The following TBCK variants were observed in gnomAD, a reference collection of about 807,000 sequenced individuals.
TBCK encodes the protein TBC1 domain containing kinase.
Under a neutral mutation model 113.4 loss-of-function variants are expected in TBCK, and 99 were observed. The ratio of observed to expected loss-of-function variants is 0.87; its 90% CI spans 0.74 to 1.03. TBCK has a LOEUF of 1.03. Ranked by LOEUF, TBCK falls within the 50% of genes least tolerant of loss-of-function variation. TBCK has a pLI of 0.00. For synonymous variants in TBCK, 369 were observed against 370.8 expected (o/e 1.00, Z 0.05); for missense variants, 1,045 against 1,061.3 (o/e 0.98, Z 0.21).
At chr4:106,234,245 G>C (rs935320764) in intron 15 of TBCK, among the ~76,000 whole-genome samples, 2 of 152,116 alleles carry the variant, frequency 1.3e-5, no homozygotes, top group Admixed American at 6.6e-5. Context: ...TGGACAACCT[G>C]ATACCTGAAG....
chr4:106,312,302 T>A (rs1045782029), intron 1 of TBCK, among the ~76,000 whole-genome samples: 4 of 152,140 alleles, frequency 2.6e-5, no homozygotes, highest in Non-Finnish European at 5.9e-5. Context: ...AATACATAAA[T>A]AGGTAAAAGT....
intron 25 of TBCK, among the ~76,000 whole-genome samples, chr4:106,060,914 G>A (rs535095019): frequency 1.3e-5 from 2 of 151,832 alleles, no homozygotes; most frequent in Admixed American, 1.3e-4. Context: ...CTTCAGTGGA[G>A]GTAGAAAGTG....
intron 23 of TBCK, among the ~76,000 whole-genome samples, chr4:106,144,512 T>C (rs1747528312): frequency 6.6e-6 from 1 of 152,130 alleles, no homozygotes; most frequent in African/African-American, 2.4e-5. Flanking sequence ...TGCAAAGCCC[T>C]TCACAAGCTG....
intron 22 of TBCK, among the ~76,000 whole-genome samples, chr4:106,182,843 T>G (rs1307858242): frequency 3.3e-5 from 5 of 152,086 alleles, no homozygotes; most frequent in Non-Finnish European, 5.9e-5. Flanking sequence ...ACCTTCAAGT[T>G]GACAGCACAT....
At chr4:106,093,718 C>G (rs528432100) in intron 25 of TBCK, among the ~76,000 whole-genome samples, 3 of 152,238 alleles carry the variant, frequency 2.0e-5, no homozygotes, top group Non-Finnish European at 4.4e-5. Context: ...GAAAAAATAA[C>G]TATTGGGTAC....
At chr4:106,212,361 C>T (rs187409484) in intron 20 of TBCK, among the ~76,000 whole-genome samples, 7 of 152,158 alleles carry the variant, frequency 4.6e-5, no homozygotes, top group Admixed American at 4.6e-4. Flanking sequence ...GAAAAGAAAA[C>T]CCAAAATCTA....
At position 106,232,968 on chromosome 4, in the gene TBCK, C is replaced by T; in HGVS notation, c.1609G>A (p.Val537Met). The T allele has an allele frequency of 6.2e-7, 1 of 1,612,250 alleles. No individual in the cohort carries two copies. Among genetic ancestry groups the T allele is most frequent in the African/African-American group, 1.3e-5 (1 of 74,948 alleles). Residue 537 changes from valine to methionine, a missense_variant, in exon 17 of 26, where the codon GTG becomes ATG. Val to Met is a conservative substitution (Grantham distance 21, BLOSUM62 1). Transcript: ENST00000394708. ...KFRRVLKAWV[V>M]SHPDLVYWQG... ...CAATACACAAGATCAGGATGAGACA[C>T]TACCCAGGCTTTTAATACACGCCTA...
At chr4:106,103,401 G>A (rs1418587330) in intron 24 of TBCK, among the ~76,000 whole-genome samples, 1 of 152,166 alleles carries the variant, frequency 6.6e-6, no homozygotes, top group Non-Finnish European at 1.5e-5. Flanking sequence ...ATCAATGCAT[G>A]TCTCACTGAC....
rs1733921035 is a variant in TBCK at position 106,042,437 on chromosome 4, G to GC, written c.*4132dup. The GC allele has an allele frequency of 2.0e-5, 3 of 151,866 alleles. No individual in the cohort carries two copies. Among genetic ancestry groups the GC allele is most frequent in the Admixed American group, 2.0e-4 (3 of 15,254 alleles). The allele number at this position is 151,866 out of a possible 1,614,324, so 9.4% of individuals were successfully genotyped here. On this transcript the variant is annotated 3_prime_UTR_variant, in exon 26 of 26. Coordinates refer to ENST00000394708, the MANE Select transcript of TBCK (RefSeq NM_001163435.3). ...TGCAGTGGAGCGATCTCGGCTCACT[G>GC]CAAGCTCTGCCTCCTGGGTTCACGC...
chr4:106,277,188 G>A (rs1426477212), intron 3 of TBCK, among the ~76,000 whole-genome samples: 1 of 152,110 alleles, frequency 6.6e-6, no homozygotes, highest in Non-Finnish European at 1.5e-5. Flanking sequence ...AAGACTAAAA[G>A]CATCAACTCC....
At position 106,055,551 on chromosome 4, in the gene TBCK, T is replaced by TACAC. The variant is rs3056715; in HGVS notation, c.2572-8875_2572-8872dup. Reference sequence around the variant, plus strand: ...GTTTGGTTTGTTGAAAGTTCAATTATACACACACACACACACACACACACA... The same window carrying TACAC: ...GTTTGGTTTGTTGAAAGTTCAATTATACACACACACACACACACACACACACACA... On this transcript the variant is annotated intron_variant, in intron 25 of 25. Coordinates refer to ENST00000394708, the MANE Select transcript of TBCK (RefSeq NM_001163435.3). 2.1e-3 allele frequency among the ~76,000 whole-genome samples: 314 copies of TACAC among 149,336 alleles called. 2 individuals carry two copies. The highest frequency in any genetic ancestry group is 2.9e-3 in the African/African-American group (118 of 40,852).
intron 25 of TBCK, among the ~76,000 whole-genome samples, chr4:106,084,580 C>T (rs1188608823): frequency 6.6e-6 from 1 of 152,082 alleles, no homozygotes; most frequent in African/African-American, 2.4e-5. Flanking sequence ...TCAGGAAATA[C>T]AGAGAACACC....
intron 25 of TBCK, among the ~76,000 whole-genome samples, chr4:106,080,148 C>T (rs1041106817): frequency 2.0e-5 from 3 of 151,898 alleles, no homozygotes; most frequent in Non-Finnish European, 4.4e-5. Flanking sequence ...GTGAAACTAC[C>T]AATGTCATTT....
chr4:106,214,006 T>C (rs140256119), intron 19 of TBCK, among the ~76,000 whole-genome samples: 21,390 of 152,034 alleles, frequency 0.14, 1,673 homozygotes, highest in South Asian at 0.25. Context: ...TCTCCCAGCA[T>C]GCAGCTGGAG....
At chr4:106,222,347 T>C (rs1190985958) in intron 19 of TBCK, among the ~76,000 whole-genome samples, 1 of 152,096 alleles carries the variant, frequency 6.6e-6, no homozygotes, top group African/African-American at 2.4e-5. Context: ...CCCCAATAAA[T>C]TTATTGTAAG....
At chr4:106,176,877 T>A (rs1274685264) in intron 22 of TBCK, among the ~76,000 whole-genome samples, 1 of 151,962 alleles carries the variant, frequency 6.6e-6, no homozygotes, top group Non-Finnish European at 1.5e-5. Flanking sequence ...TTGGATAAAA[T>A]TTCATTGGGG....
At chr4:106,175,352 G>T (rs545757758) in intron 22 of TBCK, among the ~76,000 whole-genome samples, 2 of 143,728 alleles carry the variant, frequency 1.4e-5, no homozygotes, top group East Asian at 4.2e-4. Flanking sequence ...CCAAAAATCA[G>T]ATTGAATTTT....
chr4:106,091,120 A>G (rs1407227916), intron 25 of TBCK, among the ~76,000 whole-genome samples: 1 of 152,226 alleles, frequency 6.6e-6, no homozygotes, highest in African/African-American at 2.4e-5. Flanking sequence ...AAGATGGTTA[A>G]CTGGCTCACA....
intron 20 of TBCK, among the ~76,000 whole-genome samples, chr4:106,208,579 C>T (rs1311837741): frequency 6.6e-6 from 1 of 152,120 alleles, no homozygotes; most frequent in Non-Finnish European, 1.5e-5. Flanking sequence ...CTCAGGCTTC[C>T]TTCTCTGCTG....
Sources: allele counts gnomAD v4.1 joint callset (sites outside exome capture counted in the v4.1 genomes callset), GRCh38; gene constraint gnomAD v4.1.1; transcripts MANE v1.5; gene names NCBI Gene and HGNC (gene_info 2026-07-23, HGNC 2026-07-21).